Variants in HMX1 observed in about 807,000 individuals in gnomAD.
HMX1 encodes the protein homeobox protein HMX1.
In HMX1, 8 loss-of-function variants were observed where a neutral mutation model predicts 8.9. That is an observed-to-expected ratio of 0.90 (90% CI 0.53 to 1.63). The LOEUF is 1.63. Among genes scored for constraint, HMX1 ranks in the 40% most tolerant of loss-of-function variants. The pLI, the probability that HMX1 is intolerant of heterozygous loss-of-function variation, is 0.00. For synonymous variants in HMX1, 311 were observed against 283.4 expected (o/e 1.10, Z -0.98); for missense variants, 621 against 558.5 (o/e 1.11, Z -1.13).
rs566824242 is a variant in HMX1, at chr4:8,868,805, G to A, written c.395-460C>T. 2.6e-5 allele frequency among the ~76,000 whole-genome samples: 4 copies of A among 152,196 alleles called. No individual in the cohort carries two copies. The highest frequency in any genetic ancestry group is 3.9e-4 in the East Asian group (2 of 5,168). ...GAGAAATGTTCACACCGAAAAACAA[G>A]CACAGGACACCCCCTGCCACCTGGC... On this transcript the variant is annotated intron_variant, in intron 1 of 1. Coordinates refer to ENST00000400677, the MANE Select transcript of HMX1 (RefSeq NM_018942.3). The surrounding 1 kb of genome is among the most constrained non-coding windows in gnomAD (Gnocchi z 4.6).
chr4:8,865,204 C>T (rs1339523340), downstream of HMX1, among the ~76,000 whole-genome samples: 1 of 152,226 alleles, frequency 6.6e-6, no homozygotes, highest in Admixed American at 6.5e-5. Flanking sequence ...CGCTAAGAGG[C>T]ACCCTGCAGT....
At chr4:8,865,185 C>A (rs895989736), downstream of HMX1, among the ~76,000 whole-genome samples, 4 of 152,210 alleles carry the variant, frequency 2.6e-5, no homozygotes, top group African/African-American at 9.6e-5. Flanking sequence ...GACCTGGGCG[C>A]CACCACTGCG....
rs191163386 is a variant in HMX1 at position 8,847,460 on chromosome 4, G to A, written c.395-1136C>T. ...CAAAGAGCTATTTCTGTAACGGGAT[G>A]CCGCCAACAGACGGAAGCCACTGAG... is the stretch of plus-strand genomic sequence containing the variant. On this transcript the variant is annotated intron_variant, in intron 1 of 1. Transcript: ENST00000506970. The surrounding 1 kb of genome is among the most constrained non-coding windows in gnomAD (Gnocchi z 6.0). Among the ~76,000 whole-genome samples the A allele has an allele frequency of 6.6e-6, 1 of 152,162 alleles. No individual in the cohort carries two copies. Among genetic ancestry groups the A allele is most frequent in the Non-Finnish European group, 1.5e-5 (1 of 68,032 alleles).
At chr4:8,863,628 C>T (rs886715692), downstream of HMX1, among the ~76,000 whole-genome samples, 4 of 149,716 alleles carry the variant, frequency 2.7e-5, no homozygotes, top group African/African-American at 7.7e-5. Flanking sequence ...CTGGGTGGAG[C>T]GCGCGGGGGA....
At chr4:8,869,235 A>G (rs1184454917) in intron 1 of HMX1, among the ~76,000 whole-genome samples, 2 of 152,222 alleles carry the variant, frequency 1.3e-5, no homozygotes, top group Admixed American at 1.3e-4. Flanking sequence ...TCCTAGGAAC[A>G]AGAAGAGGCC....
At chr4:8,864,764 C>T (rs1167257944), downstream of HMX1, among the ~76,000 whole-genome samples, 3 of 152,222 alleles carry the variant, frequency 2.0e-5, no homozygotes, top group Non-Finnish European at 4.4e-5. Flanking sequence ...TGTTTTCTCT[C>T]TTAACAGTGT....
chr4:8,864,544 G>A (rs1006213353), downstream of HMX1, among the ~76,000 whole-genome samples: 1 of 152,218 alleles, frequency 6.6e-6, no homozygotes, highest in African/African-American at 2.4e-5. Context: ...GATGGCGCCG[G>A]AGCTCAGGAC....
At chr4:8,865,037 A>G (rs1369942016), downstream of HMX1, among the ~76,000 whole-genome samples, 3 of 152,162 alleles carry the variant, frequency 2.0e-5, no homozygotes, top group African/African-American at 7.2e-5. Context: ...AGAGTGGACG[A>G]TCTAAAACTG....
intron 1 of HMX1, among the ~76,000 whole-genome samples, chr4:8,850,582 C>T (rs1721416242): frequency 6.6e-6 from 1 of 152,200 alleles, no homozygotes; most frequent in African/African-American, 2.4e-5. Context: ...GCATCCGCAC[C>T]TCACCCCACA....
At chr4:8,856,089 T>C (rs1024601167) in intron 1 of HMX1, among the ~76,000 whole-genome samples, 2 of 152,142 alleles carry the variant, frequency 1.3e-5, no homozygotes, top group African/African-American at 4.8e-5. Flanking sequence ...GCTGTGCAGG[T>C]TGTTCATGGG....
chr4:8,861,963 C>G (rs1359291834), intron 1 of HMX1, among the ~76,000 whole-genome samples: 1 of 152,246 alleles, frequency 6.6e-6, no homozygotes, highest in Non-Finnish European at 1.5e-5. Flanking sequence ...GTGGGTGACT[C>G]GGGCTGGGGA....
downstream of HMX1, among the ~76,000 whole-genome samples, chr4:8,862,210 A>C (rs1337118861): frequency 6.6e-6 from 1 of 152,262 alleles, no homozygotes; most frequent in Non-Finnish European, 1.5e-5. Flanking sequence ...ATGGGTTTAA[A>C]TGCGAACATT....
rs780033224 is a variant in HMX1 at position 8,868,101 on chromosome 4, G to A, written c.639C>T (p.Ser213=). ...AGGTGGATTCCAGCTGGAAGACCTG[G>A]CTGCGGGAGAAGACTGTGCGCGTCT... is the stretch of plus-strand genomic sequence containing the variant. The part of the protein sequence containing the change: ...KKKTRTVFSR[S]QVFQLESTFD... Residue 213 remains serine (S), a synonymous_variant, in exon 2 of 2, where the codon AGC becomes AGT. Transcript: ENST00000400677. This position sits in a 1 kb window ranked among gnomAD's most constrained non-coding sequence, Gnocchi z 4.6. 5 of 1,515,182 alleles carry A rather than the reference G, an allele frequency of 3.3e-6. No homozygotes were observed. In the South Asian group the frequency reaches 6.2e-5, roughly 19 times the overall value. The allele number at this position is 1,515,182 out of a possible 1,614,324, so 93.9% of individuals were successfully genotyped here.
In HMX1 at chr4:8,868,275, G is replaced by C; in HGVS notation, c.465C>G (p.Pro155=). The part of the protein sequence containing the change: ...GRAEGAWPRG[P]GPGAVQREAA... The stretch of plus-strand genomic sequence containing the variant: ...CCTCCCGCTGCACCGCTCCCGGCCC[G>C]GGGCCTCGCGGCCAGGCGCCCTCCG... Residue 155 remains proline (P), a synonymous_variant, in exon 2 of 2, where the codon CCC becomes CCG. Transcript: ENST00000400677. The surrounding 1 kb of genome is among the most constrained non-coding windows in gnomAD (Gnocchi z 4.6). The C allele has an allele frequency of 7.0e-7, 1 of 1,437,866 alleles. No homozygotes were observed. Among genetic ancestry groups the C allele is most frequent in the Non-Finnish European group, 9.1e-7 (1 of 1,101,428 alleles). 89.1% of individuals were successfully genotyped at this position (1,437,866 alleles called of 1,614,324 possible).
In HMX1 at chr4:8,853,830, G is replaced by A. The variant is rs1026737823; in HGVS notation, c.395-7506C>T. ...ATCACACCACTGCACTCCAGCCTGGGCAACAAGAGCAAAATTCCATCTCAA... is the reference window on the plus strand; with the variant it reads ...ATCACACCACTGCACTCCAGCCTGGACAACAAGAGCAAAATTCCATCTCAA... On this transcript the variant is annotated intron_variant, in intron 1 of 1. Coordinates refer to the HMX1 transcript ENST00000506970. This position sits in a 1 kb window ranked among gnomAD's most constrained non-coding sequence, Gnocchi z 4.7. 6.0e-5 allele frequency among the ~76,000 whole-genome samples: 9 copies of A among 151,210 alleles called. No individual in the cohort carries two copies. The South Asian group carries it at 1.5e-3, about 24-fold the overall frequency.
At position 8,867,167 on chromosome 4, in the gene HMX1, TG is replaced by T; in HGVS notation, c.*525del. 1.0e-6 allele frequency: 1 copy of T among 985,414 alleles called. No homozygotes were observed. The allele number at this position is 985,414 out of a possible 1,614,324, so 61.0% of individuals were successfully genotyped here. ...GCCTGCCTGCTCCTGGAACGGACGATGGGACCCACAGGTCCAGGGTCCTTTC... is the reference window on the plus strand; with the variant it reads ...GCCTGCCTGCTCCTGGAACGGACGATGGACCCACAGGTCCAGGGTCCTTTC... On this transcript the variant is annotated 3_prime_UTR_variant, in exon 2 of 2. Transcript: ENST00000400677.
chr4:8,865,502 G>A (rs537424523), downstream of HMX1, among the ~76,000 whole-genome samples: 4 of 151,394 alleles, frequency 2.6e-5, no homozygotes, highest in African/African-American at 4.8e-5. Flanking sequence ...GAGGCTCCGC[G>A]GTGTCGCCGG....
At chr4:8,862,903 G>C (rs1721875120), downstream of HMX1, among the ~76,000 whole-genome samples, 3 of 152,300 alleles carry the variant, frequency 2.0e-5, no homozygotes, top group South Asian at 6.2e-4. Context: ...GCTTAGCTCT[G>C]TGAGGACAGG....
Position 8,867,795 on chromosome 4 carries a change from TG to T in HMX1, c.944del (p.Pro315HisfsTer95). 8.1e-7 allele frequency: 1 copy of T among 1,238,216 alleles called. No individual in the cohort carries two copies. Among genetic ancestry groups the T allele is most frequent in the Non-Finnish European group, 1.0e-6 (1 of 994,886 alleles). The allele number at this position is 1,238,216 out of a possible 1,614,324, so 76.7% of individuals were successfully genotyped here. ...GGGCCCCGGAGAAGCCGAGCAGCGG[TG>T]GGGGCGGCGCGGGCGCGGCGGGCGC... ...PLAPAAPAPP[P>X]PLLGFSGALA... is the part of the protein sequence containing the mutation. On this transcript the variant is annotated frameshift_variant, in exon 2 of 2. Transcript: ENST00000400677. LOFTEE classifies it low-confidence loss of function (END_TRUNC).
Sources: allele counts gnomAD v4.1 joint callset (sites outside exome capture counted in the v4.1 genomes callset), GRCh38; gene constraint gnomAD v4.1.1; non-coding constraint Gnocchi (gnomAD v3.1); transcripts MANE v1.5; gene names NCBI Gene and HGNC (gene_info 2026-07-23, HGNC 2026-07-21).